WWOX: variants seen among roughly 807,000 people sequenced by gnomAD.
WWOX encodes the protein WW domain containing oxidoreductase.
In WWOX, 69 loss-of-function variants were observed where a neutral mutation model predicts 46.2. That is an observed-to-expected ratio of 1.49 (90% CI 1.23 to 1.82). The LOEUF is 1.82. Among genes scored for constraint, WWOX ranks in the 40% most tolerant of loss-of-function variants. The pLI, the probability that WWOX is intolerant of heterozygous loss-of-function variation, is 0.00. For missense variants in WWOX, 919 were observed against 542.6 expected, an observed-to-expected ratio of 1.69 and a Z score of -6.89; for synonymous variants, 359 against 202.6, an observed-to-expected ratio of 1.77 and a Z score of -6.56.
At chr16:78,669,520 A>G (rs1046572569) in intron 8 of WWOX, among the ~76,000 whole-genome samples, 1 of 152,330 alleles carries the variant, frequency 6.6e-6, no homozygotes, top group Admixed American at 6.5e-5. Context: ...CCTACAATCC[A>G]TAGGACAGTA....
intron 5 of WWOX, among the ~76,000 whole-genome samples, chr16:78,187,237 C>T (rs867361999): frequency 6.6e-6 from 1 of 152,188 alleles, no homozygotes; most frequent in Non-Finnish European, 1.5e-5. Context: ...CCAACCCACC[C>T]TTCACACATG....
At chr16:78,480,190 C>T (rs1318980368) in intron 8 of WWOX, among the ~76,000 whole-genome samples, 3 of 152,130 alleles carry the variant, frequency 2.0e-5, no homozygotes, top group African/African-American at 7.2e-5. Context: ...AAATAGCAGC[C>T]ACATTTCAAA....
intron 8 of WWOX, among the ~76,000 whole-genome samples, chr16:78,644,201 A>G (rs1393991850): frequency 2.0e-5 from 3 of 152,082 alleles, no homozygotes; most frequent in Admixed American, 1.3e-4. Flanking sequence ...CAGCCTGGGC[A>G]ACGAGCGAAA....
At chr16:78,881,697 C>A (rs1394529650) in intron 8 of WWOX, among the ~76,000 whole-genome samples, 3 of 152,184 alleles carry the variant, frequency 2.0e-5, no homozygotes, top group Admixed American at 2.0e-4. Context: ...TAGGTTGGCT[C>A]ACCATTAATC....
rs1555536433 is a variant in WWOX at position 78,422,887 on chromosome 16, A to ACAT, written c.606-1983_606-1982insCAT. Among the ~76,000 whole-genome samples the ACAT allele has an allele frequency of 1.7e-4, 22 of 129,074 alleles. 1 individual carries two copies. The highest frequency in any genetic ancestry group is 6.7e-4 in the African/African-American group (21 of 31,474). The allele number at this position is 129,074 out of a possible 152,430, so 84.7% of individuals were successfully genotyped here. A position where few individuals can be genotyped will look rare whatever the true frequency, so the allele number is the denominator to read the frequency against. On this transcript the variant is annotated intron_variant, in intron 6 of 8. Transcript: ENST00000566780. ...CACACACACACACACACACACACATATATTTTTTTTTTCTTTTAGATGGAG... is the reference window on the plus strand; with the variant it reads ...CACACACACACACACACACACACATACATTATTTTTTTTTTCTTTTAGATGGAG...
intron 8 of WWOX, among the ~76,000 whole-genome samples, chr16:79,088,116 C>G (rs1366140447): frequency 2.0e-5 from 3 of 152,150 alleles, no homozygotes; most frequent in African/African-American, 7.2e-5. Flanking sequence ...CTCTCAGGCT[C>G]CTGAAGGAGA....
intron 8 of WWOX, among the ~76,000 whole-genome samples, chr16:78,493,217 C>T (rs1301933043): frequency 1.3e-5 from 2 of 152,164 alleles, no homozygotes; most frequent in East Asian, 3.9e-4. Context: ...CATTGTCTTC[C>T]TGGACCTGAC....
chr16:78,189,877 A>G (rs1264991091), intron 5 of WWOX, among the ~76,000 whole-genome samples: 2 of 152,056 alleles, frequency 1.3e-5, no homozygotes. Context: ...TTAGACCGGA[A>G]CTCCTGACCT....
intron 8 of WWOX, among the ~76,000 whole-genome samples, chr16:79,017,668 A>G (rs2047445516): frequency 6.6e-6 from 1 of 152,076 alleles, no homozygotes. Flanking sequence ...TAGACACTGA[A>G]ATTTGAATTC....
chr16:78,946,133 T>TC (rs1189782451), intron 8 of WWOX, among the ~76,000 whole-genome samples: 1 of 152,134 alleles, frequency 6.6e-6, no homozygotes, highest in African/African-American at 2.4e-5. Context: ...TTACTTTAAT[T>TC]CCCCCTACAA....
intron 8 of WWOX, among the ~76,000 whole-genome samples, chr16:78,867,468 G>C (rs527641875): frequency 2.0e-5 from 3 of 151,536 alleles, no homozygotes; most frequent in African/African-American, 7.3e-5. Flanking sequence ...CTGAGACTCA[G>C]AGAAGTTAAA....
At chr16:78,352,572 G>GA (rs1202209433) in intron 5 of WWOX, among the ~76,000 whole-genome samples, 1 of 152,082 alleles carries the variant, frequency 6.6e-6, no homozygotes, top group Non-Finnish European at 1.5e-5. Context: ...TGCTTTTAAG[G>GA]AACCTTGTAA....
intron 8 of WWOX, among the ~76,000 whole-genome samples, chr16:78,709,740 T>TA (rs1245062138): frequency 3.3e-5 from 5 of 151,550 alleles, no homozygotes; most frequent in Non-Finnish European, 7.4e-5. Context: ...AAGCATTTTT[T>TA]TTTTTTTTGT....
At chr16:78,324,957 G>C (rs894372934) in intron 5 of WWOX, among the ~76,000 whole-genome samples, 1 of 152,176 alleles carries the variant, frequency 6.6e-6, no homozygotes, top group African/African-American at 2.4e-5. Context: ...TAAAAAATCT[G>C]AAAGTGTCAA....
chr16:78,744,777 A>G (rs148443569), intron 8 of WWOX, among the ~76,000 whole-genome samples: 1 of 152,180 alleles, frequency 6.6e-6, no homozygotes, highest in Admixed American at 6.6e-5. Context: ...ACAGTGTGGA[A>G]AATATTAATT....
At chr16:78,710,801 G>C (rs1392404461) in intron 8 of WWOX, among the ~76,000 whole-genome samples, 2 of 151,446 alleles carry the variant, frequency 1.3e-5, no homozygotes, top group African/African-American at 4.9e-5. Flanking sequence ...TTTTTGTAGA[G>C]ATAGGATCTC....
At chr16:78,232,074 C>G (rs918916738) in intron 5 of WWOX, among the ~76,000 whole-genome samples, 4 of 152,058 alleles carry the variant, frequency 2.6e-5, no homozygotes, top group African/African-American at 9.7e-5. Flanking sequence ...ACAATTTAAA[C>G]AGAGAATATA....
intron 5 of WWOX, among the ~76,000 whole-genome samples, chr16:78,186,454 C>T (rs937963631): frequency 1.3e-5 from 2 of 152,178 alleles, no homozygotes; most frequent in East Asian, 3.9e-4. Context: ...TTATTCTTTA[C>T]ATTCGTCTTT....
chr16:78,157,462 T>C (rs1017455001), intron 4 of WWOX, among the ~76,000 whole-genome samples: 1 of 152,214 alleles, frequency 6.6e-6, no homozygotes, highest in Non-Finnish European at 1.5e-5. Flanking sequence ...GTCGTCTTGC[T>C]TTAAAGGTTG....
Sources: allele counts gnomAD v4.1 joint callset (sites outside exome capture counted in the v4.1 genomes callset), GRCh38; gene constraint gnomAD v4.1.1; transcripts MANE v1.5; gene names NCBI Gene and HGNC (gene_info 2026-07-23, HGNC 2026-07-21).